AMZ2: variants seen among roughly 807,000 people sequenced by gnomAD.
AMZ2 encodes archaemetzincin-2.
In AMZ2, 26 loss-of-function variants were observed where a neutral mutation model predicts 36.7. The ratio of observed to expected loss-of-function variants is 0.71; its 90% CI spans 0.52 to 0.98. The LOEUF is 0.98. Among genes scored for constraint, AMZ2 ranks in the 50% least tolerant of loss-of-function variants. AMZ2 has a pLI of 0.00. For missense variants in AMZ2, 394 were observed against 430.5 expected (o/e 0.92, Z 0.75); for synonymous variants, 144 against 149.1 (o/e 0.97, Z 0.25).
intron 1 of AMZ2, among the ~76,000 whole-genome samples, chr17:68,227,743 T>G (rs1218219512): frequency 6.6e-6 from 1 of 152,216 alleles, no homozygotes; most frequent in Non-Finnish European, 1.5e-5. Flanking sequence ...GGCTCACACC[T>G]GTAATCCCAG....
intron 1 of AMZ2, among the ~76,000 whole-genome samples, chr17:68,209,632 ATTTTTTTT>A (rs1224207690): frequency 2.2e-5 from 2 of 90,688 alleles, no homozygotes; most frequent in Non-Finnish European, 4.0e-5. Flanking sequence ...ATATATATAT[ATTTTTTTT>A]TTTTTTTATA....
chr17:68,241,355 A>G (rs2073896896), intron 1 of AMZ2, among the ~76,000 whole-genome samples: 1 of 152,226 alleles, frequency 6.6e-6, no homozygotes, highest in South Asian at 2.1e-4. Flanking sequence ...GTAGTGCACA[A>G]TGTTTGCATA....
chr17:68,208,030 A>G (rs1257174975), intron 1 of AMZ2, among the ~76,000 whole-genome samples: 1 of 152,082 alleles, frequency 6.6e-6, no homozygotes, highest in Non-Finnish European at 1.5e-5. Context: ...AATTTCTCGC[A>G]GGGCCTTAGC....
chr17:68,255,295 A>G (rs1271256948), intron 5 of AMZ2, among the ~76,000 whole-genome samples: 8 of 82,700 alleles, frequency 9.7e-5, no homozygotes. Context: ...AGTGTAGATC[A>G]AGGGTTCTCA....
At chr17:68,214,093 CTT>C (rs59760940) in intron 1 of AMZ2, among the ~76,000 whole-genome samples, 28 of 142,584 alleles carry the variant, frequency 2.0e-4, no homozygotes, top group South Asian at 4.4e-4. Context: ...GCTTCCTATT[CTT>C]TTTTTTTTTT....
At chr17:68,247,615 G>A, upstream of AMZ2, 1 of 984,962 alleles carries the variant, frequency 1.0e-6, no homozygotes, top group Middle Eastern at 5.2e-4. Context: ...GCCCCGGGGA[G>A]CGCTGCGGCT....
At chr17:68,242,130 T>G (rs2073914768) in intron 1 of AMZ2, among the ~76,000 whole-genome samples, 1 of 152,076 alleles carries the variant, frequency 6.6e-6, no homozygotes, top group Admixed American at 6.6e-5. Context: ...TAGTTAGTGG[T>G]ATGTTGGTGT....
intron 6 of AMZ2, among the ~76,000 whole-genome samples, chr17:68,256,234 G>C (rs1173338444): frequency 6.6e-6 from 1 of 152,144 alleles, no homozygotes; most frequent in Non-Finnish European, 1.5e-5. Context: ...CCAAATATGG[G>C]ACAGAGGTAT....
chr17:68,206,277 C>A, intron 1 of AMZ2: 3 of 1,288,790 alleles, frequency 2.3e-6, no homozygotes, highest in Non-Finnish European at 9.9e-7. Context: ...TCCTTCCCCA[C>A]CTCCTCTGCC....
chr17:68,230,398 C>A (rs2073630478), intron 1 of AMZ2, among the ~76,000 whole-genome samples: 1 of 152,200 alleles, frequency 6.6e-6, no homozygotes. Flanking sequence ...TCATCCAGCA[C>A]CCTGAAGTGA....
Position 68,211,818 on chromosome 17 carries a change from G to GTATATGTATA in AMZ2, c.-67+5581_-67+5582insATATGTATAT, listed in dbSNP as rs1471942244. ...TATATGTGTATATGTATATATGTAT[G>GTATATGTATA]TGTATGTATATGTATATATGTACAT... is the stretch of plus-strand genomic sequence containing the variant. On this transcript the variant is annotated intron_variant, in intron 1 of 7. Coordinates refer to the AMZ2 transcript ENST00000674770. 4.2e-5 allele frequency among the ~76,000 whole-genome samples: 5 copies of GTATATGTATA among 119,590 alleles called. 2 individuals are homozygous for GTATATGTATA. The highest frequency in any genetic ancestry group is 9.1e-5 in the Non-Finnish European group (5 of 54,886). 78.5% of individuals were successfully genotyped at this position (119,590 alleles called of 152,430 possible). A position where few individuals can be genotyped will look rare whatever the true frequency, so the allele number is the denominator to read the frequency against.
At chr17:68,249,926 A>T (rs2074319099) in intron 1 of AMZ2, 1 of 447,258 alleles carries the variant, frequency 2.2e-6, no homozygotes, top group Non-Finnish European at 4.0e-6. Flanking sequence ...GGCATGAGCC[A>T]CCACACCTGG....
intron 1 of AMZ2, among the ~76,000 whole-genome samples, chr17:68,209,630 A>T (rs71378911): frequency 0.29 from 27,981 of 96,130 alleles, 4,265 homozygotes; most frequent in African/African-American, 0.38. Flanking sequence ...ATATATATAT[A>T]TATTTTTTTT....
At chr17:68,230,392 C>A (rs2073630218) in intron 1 of AMZ2, among the ~76,000 whole-genome samples, 1 of 152,200 alleles carries the variant, frequency 6.6e-6, no homozygotes, top group African/African-American at 2.4e-5. Flanking sequence ...TGTTCTTCAT[C>A]CAGCACCCTG....
chr17:68,247,821 C>G (rs1292224479), upstream of AMZ2: 1 of 985,408 alleles, frequency 1.0e-6, no homozygotes, highest in African/African-American at 1.7e-5. Flanking sequence ...TCGGCGACTG[C>G]GGGGGTGGAC....
chr17:68,221,754 G>A (rs1172605596), intron 1 of AMZ2, among the ~76,000 whole-genome samples: 10 of 151,842 alleles, frequency 6.6e-5, no homozygotes, highest in African/African-American at 1.7e-4. Context: ...AAAATTAGCC[G>A]GGCATGGCAC....
chr17:68,228,778 T>G (rs1265248211), intron 1 of AMZ2, among the ~76,000 whole-genome samples: 1 of 152,276 alleles, frequency 6.6e-6, no homozygotes, highest in Non-Finnish European at 1.5e-5. Context: ...ATATGCTGCC[T>G]TGGCCTGGCA....
intron 1 of AMZ2, among the ~76,000 whole-genome samples, chr17:68,208,494 C>A (rs12451195): frequency 0.33 from 49,780 of 151,878 alleles, 9,126 homozygotes; most frequent in East Asian, 0.62. Flanking sequence ...TGTAAAGGCA[C>A]CAGTCAGCGC....
chr17:68,222,053 G>T (rs2037103972), intron 1 of AMZ2, among the ~76,000 whole-genome samples: 1 of 152,252 alleles, frequency 6.6e-6, no homozygotes, highest in African/African-American at 2.4e-5. Context: ...GAATTAGAAG[G>T]AGGTGAATGA....
Sources: allele counts gnomAD v4.1 joint callset (sites outside exome capture counted in the v4.1 genomes callset), GRCh38; gene constraint gnomAD v4.1.1; transcripts MANE v1.5; gene names NCBI Gene and HGNC (gene_info 2026-07-23, HGNC 2026-07-21).